GRIN2A: variants seen among roughly 807,000 people sequenced by gnomAD.
GRIN2A encodes the protein glutamate ionotropic receptor NMDA type subunit 2A.
Under a neutral mutation model 113.4 loss-of-function variants are expected in GRIN2A, and 22 were observed. That is an observed-to-expected ratio of 0.19 (90% CI 0.14 to 0.28). The LOEUF (loss-of-function observed/expected upper bound fraction) is 0.28, where lower values mean the gene tolerates loss of function less well. Ranked by LOEUF, GRIN2A falls within the 10% of genes least tolerant of loss-of-function variation. The pLI is 1.00. For missense variants in GRIN2A, 1,502 were observed against 1,887.0 expected (o/e 0.80, Z 3.78); for synonymous variants, 827 against 738.4 (o/e 1.12, Z -1.94).
chr16:10,066,597 C>G (rs1257456501), intron 2 of GRIN2A, among the ~76,000 whole-genome samples: 1 of 152,114 alleles, frequency 6.6e-6, no homozygotes, highest in Non-Finnish European at 1.5e-5. Flanking sequence ...AAAATGATGA[C>G]CTACAAAGAG....
intron 2 of GRIN2A, among the ~76,000 whole-genome samples, chr16:10,115,523 T>A (rs541811973): frequency 6.6e-6 from 1 of 152,334 alleles, no homozygotes; most frequent in African/African-American, 2.4e-5. Context: ...CGCCCCCCCA[T>A]AAATCATTAT....
chr16:10,114,403 T>G (rs1055499592), intron 2 of GRIN2A, among the ~76,000 whole-genome samples: 11 of 152,150 alleles, frequency 7.2e-5, no homozygotes, highest in Non-Finnish European at 2.9e-5. Flanking sequence ...GACTCGAAGA[T>G]GCCAGCCTGG....
At chr16:10,135,674 G>C (rs1423733503) in intron 2 of GRIN2A, among the ~76,000 whole-genome samples, 3 of 152,186 alleles carry the variant, frequency 2.0e-5, no homozygotes, top group Non-Finnish European at 4.4e-5. Flanking sequence ...GGAATGGGTA[G>C]GTAAGTCCAA....
At chr16:10,165,032 T>C (rs1458586162) in intron 2 of GRIN2A, among the ~76,000 whole-genome samples, 2 of 152,214 alleles carry the variant, frequency 1.3e-5, no homozygotes, top group Non-Finnish European at 2.9e-5. Context: ...TCTGTATTGA[T>C]AGTTTTAAAA....
chr16:9,785,520 C>T (rs944114992), intron 11 of GRIN2A, among the ~76,000 whole-genome samples: 1 of 151,834 alleles, frequency 6.6e-6, no homozygotes, highest in African/African-American at 2.4e-5. Context: ...AGCACACCAA[C>T]ATGGCACATG....
chr16:9,932,269 G>A (rs562397287), intron 3 of GRIN2A, among the ~76,000 whole-genome samples: 1 of 148,510 alleles, frequency 6.7e-6, no homozygotes. Context: ...TTGGTGCTTA[G>A]CTTATGTAAG....
intron 2 of GRIN2A, among the ~76,000 whole-genome samples, chr16:10,080,086 G>T (rs958342055): frequency 2.0e-5 from 3 of 152,180 alleles, no homozygotes; most frequent in African/African-American, 7.2e-5. Context: ...ACCACATACA[G>T]TAAGTGCTTA....
intron 2 of GRIN2A, among the ~76,000 whole-genome samples, chr16:10,052,956 G>T (rs1212500877): frequency 6.6e-6 from 1 of 151,636 alleles, no homozygotes; most frequent in Non-Finnish European, 1.5e-5. Context: ...GCTGAGGCAG[G>T]AGAATGGCTT....
At chr16:9,987,910 G>C (rs2046010109) in intron 2 of GRIN2A, among the ~76,000 whole-genome samples, 1 of 152,182 alleles carries the variant, frequency 6.6e-6, no homozygotes, top group South Asian at 2.1e-4. Flanking sequence ...TCTCTACCCA[G>C]GAGATAAATC....
intron 10 of GRIN2A, among the ~76,000 whole-genome samples, chr16:9,803,644 T>C (rs1397319075): frequency 1.3e-5 from 2 of 152,188 alleles, no homozygotes; most frequent in Non-Finnish European, 2.9e-5. Context: ...ATATGCATTA[T>C]TATATTTTTT....
chr16:9,985,841 T>C (rs1276868503), intron 2 of GRIN2A, among the ~76,000 whole-genome samples: 1 of 152,146 alleles, frequency 6.6e-6, no homozygotes, highest in Non-Finnish European at 1.5e-5. Context: ...TAACAGAGTA[T>C]AATTGGATTG....
At chr16:10,009,909 G>C (rs1205221670) in intron 2 of GRIN2A, among the ~76,000 whole-genome samples, 1 of 152,240 alleles carries the variant, frequency 6.6e-6, no homozygotes, top group Non-Finnish European at 1.5e-5. Flanking sequence ...AAGAGGCAGA[G>C]ACAGGCCGGA....
At chr16:9,809,292 C>A (rs1230677820) in intron 10 of GRIN2A, among the ~76,000 whole-genome samples, 1 of 152,068 alleles carries the variant, frequency 6.6e-6, no homozygotes, top group Non-Finnish European at 1.5e-5. Context: ...TCATGGCGCA[C>A]CCCTGTAGTA....
intron 11 of GRIN2A, among the ~76,000 whole-genome samples, chr16:9,780,578 G>A (rs979228222): frequency 6.6e-6 from 1 of 152,240 alleles, no homozygotes; most frequent in Non-Finnish European, 1.5e-5. Flanking sequence ...ACTGGCATGG[G>A]CCATGAGGAA....
At chr16:10,109,893 AT>A (rs199714817) in intron 2 of GRIN2A, among the ~76,000 whole-genome samples, 1 of 151,426 alleles carries the variant, frequency 6.6e-6, no homozygotes, top group Admixed American at 6.6e-5. Context: ...AAAAAATAAA[AT>A]TTTTTTTAAT....
At chr16:9,829,056 C>T (rs1435802071) in intron 9 of GRIN2A, among the ~76,000 whole-genome samples, 1 of 152,162 alleles carries the variant, frequency 6.6e-6, no homozygotes, top group East Asian at 1.9e-4. Context: ...CCAATTTCTT[C>T]TCATCCAGGA....
chr16:9,938,722 G>C (rs141339529), intron 2 of GRIN2A, among the ~76,000 whole-genome samples, 171 bp from the exon 3 acceptor site: 122 of 152,264 alleles, frequency 8.0e-4, no homozygotes, highest in African/African-American at 2.8e-3. Flanking sequence ...ATACAGAGAG[G>C]ACAGAAGCCC....
At position 9,930,748 on chromosome 16, in the gene GRIN2A, C is replaced by T. The variant is rs79365396; in HGVS notation, c.1007+7211G>A. Among the ~76,000 whole-genome samples, 39 of 152,314 alleles carry T rather than the reference C, an allele frequency of 2.6e-4. 1 individual carries two copies. The East Asian group carries it at 6.7e-3, about 26-fold the overall frequency. Reference sequence around the variant, plus strand: ...GGCATTACAAAAAACCAACAGTGATCATTCTGATTACTAAATAAAAATATG... The same window carrying T: ...GGCATTACAAAAAACCAACAGTGATTATTCTGATTACTAAATAAAAATATG... On this transcript the variant is annotated intron_variant, in intron 3 of 12. Transcript: ENST00000330684.
chr16:10,034,067 G>T (rs2046979402), intron 2 of GRIN2A, among the ~76,000 whole-genome samples: 1 of 152,194 alleles, frequency 6.6e-6, no homozygotes, highest in South Asian at 2.1e-4. Context: ...AGCCTTGGCA[G>T]AGATTAATGC....
Sources: gnomAD v4.1 joint callset for allele counts (sites outside exome capture counted in the v4.1 genomes callset) on GRCh38, gnomAD v4.1.1 for gene constraint, MANE v1.5 for transcripts, NCBI Gene and HGNC (gene_info 2026-07-23, HGNC 2026-07-21) for gene names.